Variants in DMGDH observed in about 807,000 individuals in gnomAD.
The protein encoded by DMGDH is dimethylglycine dehydrogenase, mitochondrial.
Under a neutral mutation model 95.2 loss-of-function variants are expected in DMGDH, and 76 were observed. That is an observed-to-expected ratio of 0.80 (90% CI 0.66 to 0.97). DMGDH has a LOEUF of 0.97. Among genes scored for constraint, DMGDH ranks in the 50% least tolerant of loss-of-function variants. The probability of loss-of-function intolerance (pLI) is 0.00; values close to 1 mark genes in which losing one functional copy is unlikely to be tolerated. For missense variants in DMGDH, 987 were observed against 1,055.0 expected, an observed-to-expected ratio of 0.94 and a Z score of 0.89; for synonymous variants, 345 against 377.6, an observed-to-expected ratio of 0.91 and a Z score of 1.00.
intron 14 of DMGDH, among the ~76,000 whole-genome samples, chr5:79,006,052 C>CT (rs35854183): frequency 0.55 from 78,591 of 142,686 alleles, 23,620 homozygotes; most frequent in Non-Finnish European, 0.68. Context: ...GCTTTTCAAC[C>CT]TTTTTTTTTT....
At chr5:79,030,291 C>T (rs993368821) in intron 10 of DMGDH, among the ~76,000 whole-genome samples, 14 of 152,096 alleles carry the variant, frequency 9.2e-5, no homozygotes, top group African/African-American at 2.9e-4. Flanking sequence ...AAGTTCCCAT[C>T]GAAACAATTA....
Position 79,042,312 on chromosome 5 carries a change from G to A in DMGDH, c.1164C>T (p.Val388=). 6.2e-7 allele frequency: 1 copy of A among 1,614,156 alleles called. No individual in the cohort carries two copies. The highest frequency in any genetic ancestry group is 8.5e-7 in the Non-Finnish European group (1 of 1,180,004). The part of the protein sequence containing the change: ...ILPMVGPHQG[V]RNYWVAIGFG... ...AGCCTATAGCCACCCAGTAGTTTCT[G>A]ACCCCCTGATGGGGCCCCACCATAG... The change falls in exon 7 of 16, where the codon GTC becomes GTT. Residue 388 remains valine, a synonymous_variant. Transcript: ENST00000255189.
chr5:79,058,100 A>ATC (rs1755084056), intron 2 of DMGDH, among the ~76,000 whole-genome samples: 1 of 152,230 alleles, frequency 6.6e-6, no homozygotes, highest in African/African-American at 2.4e-5. Context: ...AGGAAAAGTT[A>ATC]GTCTCCCTTA....
intron 5 of DMGDH, among the ~76,000 whole-genome samples, chr5:79,050,004 C>T (rs1754790259): frequency 6.6e-6 from 1 of 151,922 alleles, no homozygotes; most frequent in African/African-American, 2.4e-5. Context: ...CGCCTGTAAT[C>T]CTAGCACTTT....
intron 1 of DMGDH, 32 bp downstream of exon 1, chr5:79,069,488 G>A: frequency 1.6e-6 from 2 of 1,230,156 alleles, no homozygotes; most frequent in Non-Finnish European, 2.0e-6. Flanking sequence ...CAGCCGCCCC[G>A]TCGCCTCTGA....
intron 15 of DMGDH, chr5:79,000,286 TGAA>T (rs1321436873): frequency 3.0e-6 from 2 of 662,436 alleles, no homozygotes; most frequent in Admixed American, 3.6e-5. Context: ...CTCCATGAGA[TGAA>T]GAAGATGCCC....
At chr5:79,025,655 C>T (rs6888663) in intron 13 of DMGDH, among the ~76,000 whole-genome samples, 3,173 of 152,230 alleles carry the variant, frequency 0.021, 103 homozygotes, top group African/African-American at 0.071. Flanking sequence ...AATTCAAACC[C>T]AAGAGTCCCC....
At chr5:79,022,656 C>T (rs1021947908) in intron 14 of DMGDH, among the ~76,000 whole-genome samples, 2 of 152,200 alleles carry the variant, frequency 1.3e-5, no homozygotes, top group Non-Finnish European at 1.5e-5. Context: ...CAACTAACTA[C>T]GTTCTGAGAT....
intron 7 of DMGDH, among the ~76,000 whole-genome samples, chr5:79,034,720 A>T (rs1754288246): frequency 6.6e-6 from 1 of 152,144 alleles, no homozygotes; most frequent in Admixed American, 6.5e-5. Flanking sequence ...CCACAACAAG[A>T]CACCTGTTTT....
rs200619163 is a variant in DMGDH at position 79,042,411 on chromosome 5, C to G, written c.1065G>C (p.Met355Ile). 5 of 1,614,134 alleles carry G rather than the reference C, an allele frequency of 3.1e-6. No individual in the cohort carries two copies. The Admixed American group carries it at 6.7e-5, about 22-fold the overall frequency. The change falls in exon 7 of 16, where the codon ATG becomes ATC. Residue 355 changes from methionine to isoleucine, a missense_variant. Physicochemically the swap from Met to Ile is conservative, Grantham distance 10. Transcript: ENST00000255189. The part of the protein sequence containing the change: ...IMEHIKAAME[M>I]VPVLKKADII... The stretch of plus-strand genomic sequence containing the variant: ...TGTCAGCCTTTTTCAAGACAGGAAC[C>G]ATTTCCATGGCAGCTTTGATGTGTT...
chr5:79,060,536 C>T (rs556363810), intron 2 of DMGDH, among the ~76,000 whole-genome samples: 3 of 152,318 alleles, frequency 2.0e-5, no homozygotes, highest in South Asian at 4.1e-4. Flanking sequence ...TTCAGGGAAA[C>T]TGCCTTTATT....
intron 14 of DMGDH, among the ~76,000 whole-genome samples, chr5:79,009,365 C>CTTTTCT (rs1753605166): frequency 3.0e-5 from 4 of 132,500 alleles, no homozygotes; most frequent in South Asian, 4.9e-4. Context: ...CTTTTCTTTT[C>CTTTTCT]TTTTTTTTTT....
intron 14 of DMGDH, among the ~76,000 whole-genome samples, chr5:79,019,358 T>C (rs1332885356): frequency 1.3e-5 from 2 of 152,158 alleles, no homozygotes; most frequent in Non-Finnish European, 2.9e-5. Context: ...CACCATCCTC[T>C]GACCAATCCA....
Position 79,024,272 on chromosome 5 carries a change from T to A in DMGDH, c.2249A>T (p.Lys750Met). The A allele has an allele frequency of 1.2e-6, 2 of 1,612,872 alleles. No homozygotes were observed. Among genetic ancestry groups the A allele is most frequent in the Non-Finnish European group, 1.7e-6 (2 of 1,179,056 alleles). ...AGLEYFVKLNKPADFIGKQAL... is the reference protein window; with the variant it reads ...AGLEYFVKLNMPADFIGKQAL... ...GCACACTTTGGAATGTAAACATACCTTATTTAACTTCACAAAATATTCCAG... is the reference window on the plus strand; with the variant it reads ...GCACACTTTGGAATGTAAACATACCATATTTAACTTCACAAAATATTCCAG... The change falls in exon 14 of 16, where the codon AAG (lysine) becomes ATG (methionine). Residue 750 changes from lysine (K) to methionine (M), a missense_variant and splice_region_variant. By Grantham distance (95) the Lys-to-Met change is moderately conservative. Transcript: ENST00000255189.
Position 79,026,148 on chromosome 5 carries a change from A to T in DMGDH, c.2190+276T>A, listed in dbSNP as rs534213882. ...TTTTGAAAAGTGTTACTCTAATCCC[A>T]TGAGGCAAGCCGGCTCCCCAAAGTC... On this transcript the variant is annotated intron_variant, in intron 13 of 15. Coordinates refer to ENST00000255189, the MANE Select transcript of DMGDH (RefSeq NM_013391.3). 1.9e-4 allele frequency among the ~76,000 whole-genome samples: 29 copies of T among 152,308 alleles called. No homozygotes were observed. In the East Asian group the frequency reaches 4.4e-3, roughly 23 times the overall value.
intron 9 of DMGDH, among the ~76,000 whole-genome samples, chr5:79,032,158 C>T (rs191232897): frequency 5.3e-4 from 81 of 152,282 alleles, no homozygotes; most frequent in South Asian, 1.2e-3. Context: ...ATTCAGAGAA[C>T]TGTTTCAGTG....
chr5:79,038,342 G>A (rs1754406055), intron 7 of DMGDH, among the ~76,000 whole-genome samples: 1 of 152,078 alleles, frequency 6.6e-6, no homozygotes, highest in South Asian at 2.1e-4. Flanking sequence ...AAATTATCCA[G>A]GTATGGTGGA....
intron 15 of DMGDH, among the ~76,000 whole-genome samples, chr5:79,003,002 C>A (rs1308647825): frequency 1.3e-5 from 2 of 152,164 alleles, no homozygotes; most frequent in Non-Finnish European, 2.9e-5. Context: ...TAGATTAGAC[C>A]TTGGGTTTTC....
intron 5 of DMGDH, among the ~76,000 whole-genome samples, chr5:79,050,748 C>T (rs191338896): frequency 3.0e-4 from 46 of 152,286 alleles, no homozygotes; most frequent in Admixed American, 3.3e-4. Context: ...CCAAATATCC[C>T]TTTTGGCTTC....
Sources: gnomAD v4.1 joint callset for allele counts (sites outside exome capture counted in the v4.1 genomes callset) on GRCh38, gnomAD v4.1.1 for gene constraint, MANE v1.5 for transcripts, NCBI Gene and HGNC (gene_info 2026-07-23, HGNC 2026-07-21) for gene names.